The following PRDM16 variants were observed in gnomAD, a reference collection of about 807,000 sequenced individuals.
PRDM16 encodes the protein histone-lysine N-methyltransferase PRDM16.
Under a neutral mutation model 110.6 loss-of-function variants are expected in PRDM16, and 23 were observed. The observed-to-expected ratio is 0.21, with a 90% CI of 0.15 to 0.29. The LOEUF is 0.29. PRDM16 is among the 10% of genes least tolerant of loss of function. The pLI is 1.00. For synonymous variants in PRDM16, 799 were observed against 781.8 expected (o/e 1.02, Z -0.37); for missense variants, 1,615 against 1,794.3 (o/e 0.90, Z 1.81).
At chr1:3,193,750 G>T (rs1043252365) in intron 2 of PRDM16, among the ~76,000 whole-genome samples, 1 of 152,238 alleles carries the variant, frequency 6.6e-6, no homozygotes, top group Admixed American at 6.5e-5. Flanking sequence ...ATGTCGGTCT[G>T]TACTGGGGGA....
chr1:3,071,005 G>C, intron 1 of PRDM16, among the ~76,000 whole-genome samples: 1 of 152,250 alleles, frequency 6.6e-6, no homozygotes, highest in East Asian at 1.9e-4. Context: ...GCGGCGTTGC[G>C]GGCCCTCCGC....
chr1:3,425,403 TCCC>T lies in PRDM16; in HGVS notation c.2940-176_2940-174del. 1.6e-6 allele frequency: 1 copy of T among 608,802 alleles called. No homozygotes were observed. Among genetic ancestry groups the T allele is most frequent in the Non-Finnish European group, 2.8e-6 (1 of 354,918 alleles). 37.7% of individuals were successfully genotyped at this position (608,802 alleles called of 1,614,324 possible). On this transcript the variant is annotated intron_variant, in intron 12 of 16. Coordinates refer to ENST00000270722, the MANE Select transcript of PRDM16 (RefSeq NM_022114.4). The surrounding 1 kb of genome is among the most constrained non-coding windows in gnomAD (Gnocchi z 6.9). ...GCCGGGGCTGTTTCTAGGGACAGCT[TCCC>T]CAGGATGCCTTTGGCTCTGCAGCTG...
At position 3,243,001 on chromosome 1, in the gene PRDM16, C is replaced by G. The variant is rs1020100558; in HGVS notation, c.388-1086C>G. On this transcript the variant is annotated intron_variant, in intron 2 of 16. Transcript: ENST00000270722. This position sits in a 1 kb window ranked among gnomAD's most constrained non-coding sequence, Gnocchi z 5.5. ...AGCACTCTGGGATGGGTCACTGAGA[C>G]GCCGCCACTCTGGAGTGCAGCCTGG... is the stretch of plus-strand genomic sequence containing the variant. Among the ~76,000 whole-genome samples the G allele has an allele frequency of 6.6e-6, 1 of 152,202 alleles. No individual in the cohort carries two copies. Among genetic ancestry groups the G allele is most frequent in the Non-Finnish European group, 1.5e-5 (1 of 68,030 alleles).
Position 3,108,942 on chromosome 1 carries a change from C to T in PRDM16, c.37+39646C>T, listed in dbSNP as rs534887570. On this transcript the variant is annotated intron_variant, in intron 1 of 16. Transcript: ENST00000270722. Reference sequence around the variant, plus strand: ...TACAAAAATACAAAAATTAGCTGGGCGTAGTGGTGGACACTTATAATCCCA... The same window carrying T: ...TACAAAAATACAAAAATTAGCTGGGTGTAGTGGTGGACACTTATAATCCCA... 1.2e-4 allele frequency among the ~76,000 whole-genome samples: 18 copies of T among 151,638 alleles called. No homozygotes were observed. The East Asian group carries it at 3.1e-3, about 26-fold the overall frequency.
Position 3,435,639 on chromosome 1 carries a change from G to A in PRDM16, c.*1828G>A, listed in dbSNP as rs1012488965. ...AATACAAACAGGAGTGGTGCAAGCC[G>A]CCTTGGTGTGGGTTTGTGTCACGTG... is the stretch of plus-strand genomic sequence containing the variant. On this transcript the variant is annotated 3_prime_UTR_variant, in exon 17 of 17. Transcript: ENST00000270722. 2.6e-5 allele frequency: 6 copies of A among 232,844 alleles called. No homozygotes were observed. Among genetic ancestry groups the A allele is most frequent in the South Asian group, 1.8e-4 (1 of 5,534 alleles). 14.4% of individuals were successfully genotyped at this position (232,844 alleles called of 1,614,324 possible).
chr1:3,277,257 GCAAA>G (rs1309086423), intron 3 of PRDM16, among the ~76,000 whole-genome samples: 1 of 152,222 alleles, frequency 6.6e-6, no homozygotes, highest in Non-Finnish European at 1.5e-5. Context: ...GCTGGATCTT[GCAAA>G]CAGTCGAGTC....
rs574490378 is a variant in PRDM16, at chr1:3,141,597, G to T, written c.38-44528G>T. On this transcript the variant is annotated intron_variant, in intron 1 of 16. Coordinates refer to ENST00000270722, the MANE Select transcript of PRDM16 (RefSeq NM_022114.4). Reference sequence around the variant, plus strand: ...CGGACCCTTCTGGGCCGCCCCACCTGCGAGGATGGGAGTCAGAAAGCCCAG... The same window carrying T: ...CGGACCCTTCTGGGCCGCCCCACCTTCGAGGATGGGAGTCAGAAAGCCCAG... Among the ~76,000 whole-genome samples, 38 of 152,380 alleles carry T rather than the reference G, an allele frequency of 2.5e-4. 1 individual carries two copies. The South Asian group carries it at 7.9e-3, about 32-fold the overall frequency.
intron 3 of PRDM16, among the ~76,000 whole-genome samples, chr1:3,326,992 C>T (rs113943601): frequency 5.9e-4 from 90 of 152,358 alleles, no homozygotes; most frequent in Non-Finnish European, 9.1e-4. Flanking sequence ...GAGGAGCCCA[C>T]GCACAGGGCC....
At chr1:3,234,781 G>A (rs16823580) in intron 2 of PRDM16, among the ~76,000 whole-genome samples, 4,173 of 152,322 alleles carry the variant, frequency 0.027, 293 homozygotes, top group East Asian at 0.23. Context: ...TTTATTATTC[G>A]GTAAATGCCA....
chr1:3,306,428 C>G (rs1355257845), intron 3 of PRDM16, among the ~76,000 whole-genome samples: 1 of 152,182 alleles, frequency 6.6e-6, no homozygotes, highest in Non-Finnish European at 1.5e-5. Flanking sequence ...AAGACTTGAT[C>G]GTCTGGAAGA....
At chr1:3,293,910 C>T (rs143144480) in intron 3 of PRDM16, among the ~76,000 whole-genome samples, 4 of 152,292 alleles carry the variant, frequency 2.6e-5, no homozygotes, top group African/African-American at 4.8e-5. Context: ...AATCCCAGCA[C>T]ACTCGTGGGT....
intron 3 of PRDM16, among the ~76,000 whole-genome samples, chr1:3,278,897 G>A (rs1418659363): frequency 6.6e-6 from 1 of 152,216 alleles, no homozygotes; most frequent in Non-Finnish European, 1.5e-5. Flanking sequence ...GACACTCAGC[G>A]AGCCGTGGCC....
At chr1:3,074,084 C>G (rs1334086193) in intron 1 of PRDM16, among the ~76,000 whole-genome samples, 1 of 152,190 alleles carries the variant, frequency 6.6e-6, no homozygotes, top group African/African-American at 2.4e-5. Flanking sequence ...GTCTGGCTTT[C>G]CAGGGTAGAC....
intron 3 of PRDM16, chr1:3,306,597 A>C (rs565070548): frequency 7.9e-5 from 12 of 152,318 alleles, no homozygotes; most frequent in African/African-American, 2.6e-4. Context: ...TTTAGGAGAA[A>C]TTTTAAGTAT....
intron 3 of PRDM16, among the ~76,000 whole-genome samples, chr1:3,366,863 C>T (rs1161130950): frequency 6.6e-6 from 1 of 152,178 alleles, no homozygotes; most frequent in African/African-American, 2.4e-5. Context: ...GTCAGTCTAC[C>T]CGGTCTGTAG....
rs1001486944 is a variant in PRDM16, at chr1:3,358,148, G to A, written c.439-27004G>A. 2.6e-5 allele frequency among the ~76,000 whole-genome samples: 4 copies of A among 152,244 alleles called. No individual in the cohort carries two copies. The highest frequency in any genetic ancestry group is 5.9e-5 in the Non-Finnish European group (4 of 68,036). On this transcript the variant is annotated intron_variant, in intron 3 of 16. Transcript: ENST00000270722. This position sits in a 1 kb window ranked among gnomAD's most constrained non-coding sequence, Gnocchi z 4.0. Reference sequence around the variant, plus strand: ...GGCCTGGCCATGACCCCCTTGCCCAGGGCAACGTGGACCACACAGACACGG... The same window carrying A: ...GGCCTGGCCATGACCCCCTTGCCCAAGGCAACGTGGACCACACAGACACGG...
chr1:3,411,495 G>T lies in PRDM16; in HGVS notation c.1298G>T (p.Ser433Ile). 6.2e-7 allele frequency: 1 copy of T among 1,614,208 alleles called. No individual in the cohort carries two copies. The highest frequency in any genetic ancestry group is 8.5e-7 in the Non-Finnish European group (1 of 1,180,042). Residue 433 changes from serine to isoleucine, a missense_variant, in exon 9 of 17, where the codon AGC (serine) becomes ATC (isoleucine). Around this residue, in one of 5 missense-constraint regions of PRDM16, gnomAD observed 772 missense variants for 748.3 expected, o/e 1.03. Transcript: ENST00000270722. Reference protein sequence around the residue: ...IKCKDCGQMFSTTSSLNKHRR... With the variant: ...IKCKDCGQMFITTSSLNKHRR... Reference sequence around the variant, plus strand: ...TGCAAGGACTGTGGCCAGATGTTCAGCACTACCTCCTCCCTCAACAAGCAC... The same window carrying T: ...TGCAAGGACTGTGGCCAGATGTTCATCACTACCTCCTCCCTCAACAAGCAC...
chr1:3,266,388 C>T (rs1422253482), intron 3 of PRDM16, among the ~76,000 whole-genome samples: 2 of 152,218 alleles, frequency 1.3e-5, no homozygotes, highest in African/African-American at 2.4e-5. Context: ...GCCTTTTCGC[C>T]CCGAGAGCCC....
chr1:3,173,500 C>T (rs1056645143), intron 1 of PRDM16, among the ~76,000 whole-genome samples: 1 of 152,222 alleles, frequency 6.6e-6, no homozygotes, highest in Non-Finnish European at 1.5e-5. Flanking sequence ...CAGAGGCCTC[C>T]GTGGCCCTGC....
Sources: allele counts gnomAD v4.1 joint callset (sites outside exome capture counted in the v4.1 genomes callset), GRCh38; gene constraint gnomAD v4.1.1; regional missense constraint gnomAD v4.1.1; non-coding constraint Gnocchi (gnomAD v3.1); transcripts MANE v1.5; gene names NCBI Gene and HGNC (gene_info 2026-07-23, HGNC 2026-07-21).